The following RPS6KC1 variants were observed in gnomAD, a reference collection of about 807,000 sequenced individuals.
RPS6KC1 encodes inactive ribosomal protein S6 kinase delta-1.
In RPS6KC1, 54 loss-of-function variants were observed where a neutral mutation model predicts 103.8. That is an observed-to-expected ratio of 0.52 (90% CI 0.42 to 0.65). The LOEUF (loss-of-function observed/expected upper bound fraction) is 0.65. Among genes scored for constraint, RPS6KC1 ranks in the 30% least tolerant of loss-of-function variants. The pLI is 0.00. For missense variants in RPS6KC1, 1,151 were observed against 1,253.8 expected (o/e 0.92, Z 1.24); for synonymous variants, 439 against 438.7 (o/e 1.00, Z -0.01).
chr1:213,677,108 C>T, the RPS6KC1 span, among the ~76,000 whole-genome samples: 1 of 152,298 alleles, frequency 6.6e-6, no homozygotes, highest in South Asian at 2.1e-4. Flanking sequence ...ATGAAAATGA[C>T]AACTCGACAT....
intron 14 of RPS6KC1, among the ~76,000 whole-genome samples, chr1:213,269,804 G>A (rs905915243): frequency 6.6e-6 from 1 of 151,820 alleles, no homozygotes; most frequent in Non-Finnish European, 1.5e-5. Context: ...AGTCCCAGCT[G>A]CTTGGGAGGC....
the RPS6KC1 span, among the ~76,000 whole-genome samples, chr1:213,343,440 T>TATATATACAC: frequency 0.023 from 1,865 of 80,128 alleles, 463 homozygotes; most frequent in Non-Finnish European, 0.037. Context: ...TATATATATA[T>TATATATACAC]ACATACCATG....
chr1:213,623,056 G>A, the RPS6KC1 span, among the ~76,000 whole-genome samples: 11 of 152,110 alleles, frequency 7.2e-5, no homozygotes, highest in African/African-American at 2.4e-4. Flanking sequence ...TGCCTCGATC[G>A]ATCCATTCAG....
chr1:213,179,805 G>C (rs770655488), intron 8 of RPS6KC1, among the ~76,000 whole-genome samples: 1 of 152,156 alleles, frequency 6.6e-6, no homozygotes, highest in South Asian at 2.1e-4. Flanking sequence ...AAACAAAATT[G>C]TGTCTTTCTT....
chr1:213,439,219 C>T, the RPS6KC1 span, among the ~76,000 whole-genome samples: 1 of 152,076 alleles, frequency 6.6e-6, no homozygotes, highest in South Asian at 2.1e-4. Flanking sequence ...TGGCATATGC[C>T]CTTACAGGAA....
chr1:213,150,586 C>T lies in RPS6KC1; in HGVS notation c.836-17272C>T, dbSNP rs557183857. On this transcript the variant is annotated intron_variant, in intron 6 of 14. Transcript: ENST00000366960. ...TTGCACCGCCCTTAATCCATTCAAC[C>T]CTGAGTGGACACAGCACATGTTTCA... Among the ~76,000 whole-genome samples, 3 of 151,170 alleles carry T rather than the reference C, an allele frequency of 2.0e-5. No homozygotes were observed. The East Asian group carries it at 5.8e-4, about 29-fold the overall frequency.
intron 3 of RPS6KC1, among the ~76,000 whole-genome samples, chr1:213,080,342 T>C (rs1008204458): frequency 1.1e-4 from 16 of 152,336 alleles, no homozygotes; most frequent in African/African-American, 3.8e-4. Flanking sequence ...TCTGTTGACT[T>C]TATTTCTCGT....
the RPS6KC1 span, among the ~76,000 whole-genome samples, chr1:213,609,925 T>A: frequency 6.6e-6 from 1 of 151,900 alleles, no homozygotes; most frequent in Non-Finnish European, 1.5e-5. Flanking sequence ...TTCCATGAGA[T>A]TGCTCTGTAT....
At chr1:213,095,786 CTTAA>C (rs2148696774) in intron 3 of RPS6KC1, among the ~76,000 whole-genome samples, 1 of 152,192 alleles carries the variant, frequency 6.6e-6, no homozygotes, top group Non-Finnish European at 1.5e-5. Context: ...AAGTACGTAC[CTTAA>C]TTAAGAAATA....
chr1:213,177,283 A>T (rs577352981), intron 8 of RPS6KC1, among the ~76,000 whole-genome samples: 3 of 152,306 alleles, frequency 2.0e-5, no homozygotes, highest in Admixed American at 6.5e-5. Flanking sequence ...TTGCTCAACC[A>T]CCGCTTTACC....
the RPS6KC1 span, among the ~76,000 whole-genome samples, chr1:213,674,080 A>C: frequency 4.9e-3 from 750 of 152,070 alleles, 7 homozygotes; most frequent in African/African-American, 0.017. Context: ...GTGCAGTGGC[A>C]TGATCTCAGC....
At chr1:213,461,381 C>T in the RPS6KC1 span, among the ~76,000 whole-genome samples, 1 of 152,142 alleles carries the variant, frequency 6.6e-6, no homozygotes, top group Admixed American at 6.5e-5. Context: ...AGATTCAATG[C>T]CATCTCCATC....
chr1:213,137,650 T>C (rs1205149334), intron 6 of RPS6KC1, among the ~76,000 whole-genome samples: 1 of 151,564 alleles, frequency 6.6e-6, no homozygotes, highest in Non-Finnish European at 1.5e-5. Context: ...GTCCTTTAAC[T>C]ATCAGATGCC....
chr1:213,360,993 T>C, the RPS6KC1 span, among the ~76,000 whole-genome samples: 3 of 152,352 alleles, frequency 2.0e-5, no homozygotes, highest in East Asian at 5.8e-4. Flanking sequence ...CCAGTTAGGC[T>C]ACTCAGGGGT....
the RPS6KC1 span, among the ~76,000 whole-genome samples, chr1:213,859,740 C>T: frequency 1.3e-5 from 2 of 152,150 alleles, no homozygotes; most frequent in Non-Finnish European, 2.9e-5. Context: ...ACAGGTATCA[C>T]CATCTATGGT....
chr1:213,201,873 A>T (rs536573526), intron 8 of RPS6KC1, among the ~76,000 whole-genome samples: 19 of 152,296 alleles, frequency 1.2e-4, no homozygotes, highest in African/African-American at 4.3e-4. Context: ...ATTTTAAGAG[A>T]TACAGGAGAA....
the RPS6KC1 span, among the ~76,000 whole-genome samples, chr1:213,496,763 A>T: frequency 2.6e-5 from 4 of 151,990 alleles, no homozygotes; most frequent in Admixed American, 2.0e-4. Context: ...GTCTCGGGGG[A>T]AAAAAAGAAA....
the RPS6KC1 span, among the ~76,000 whole-genome samples, chr1:213,429,302 T>C: frequency 2.6e-5 from 4 of 152,088 alleles, no homozygotes; most frequent in East Asian, 1.9e-4. Context: ...CACAGGCATA[T>C]ACCACCATGC....
At chr1:213,205,336 G>A in intron 8 of RPS6KC1, 1 of 984,950 alleles carries the variant, frequency 1.0e-6, no homozygotes, top group Non-Finnish European at 1.2e-6. Context: ...GATAAGTCAT[G>A]CTTTTAAGAG....
Sources: gnomAD v4.1 joint callset for allele counts (sites outside exome capture counted in the v4.1 genomes callset) on GRCh38, gnomAD v4.1.1 for gene constraint, MANE v1.5 for transcripts, NCBI Gene and HGNC (gene_info 2026-07-23, HGNC 2026-07-21) for gene names.